Variants in FBXL17 observed in about 807,000 individuals in gnomAD.
FBXL17 encodes F-box and leucine rich repeat protein 17.
A neutral mutation model predicts 66.2 loss-of-function variants in FBXL17; 22 were observed. The ratio of observed to expected loss-of-function variants is 0.33; its 90% CI spans 0.24 to 0.47. The LOEUF (loss-of-function observed/expected upper bound fraction) is 0.47, where lower values mean the gene tolerates loss of function less well. Ranked by LOEUF, FBXL17 falls within the 20% of genes least tolerant of loss-of-function variation. The pLI, the probability that FBXL17 is intolerant of heterozygous loss-of-function variation, is 1.00. For synonymous variants in FBXL17, 474 were observed against 400.5 expected (o/e 1.18, Z -2.19); for missense variants, 878 against 948.2 (o/e 0.93, Z 0.97).
At chr5:108,256,973 T>C (rs1298162774) in intron 4 of FBXL17, among the ~76,000 whole-genome samples, 1 of 152,166 alleles carries the variant, frequency 6.6e-6, no homozygotes, top group East Asian at 1.9e-4. Context: ...GTGGTGTCAC[T>C]TTAGCATTTT....
At chr5:108,165,493 G>C (rs1752382707) in intron 6 of FBXL17, among the ~76,000 whole-genome samples, 1 of 152,130 alleles carries the variant, frequency 6.6e-6, no homozygotes, top group Non-Finnish European at 1.5e-5. Flanking sequence ...GTCAATTCTA[G>C]ACCATGAAAG....
At chr5:108,219,380 T>C (rs1172747579) in intron 5 of FBXL17, among the ~76,000 whole-genome samples, 1 of 152,100 alleles carries the variant, frequency 6.6e-6, no homozygotes, top group East Asian at 1.9e-4. Context: ...AATTGTTGAA[T>C]TGATAGGCCT....
intron 6 of FBXL17, among the ~76,000 whole-genome samples, chr5:108,124,628 A>C (rs1750626237): frequency 1.3e-5 from 2 of 152,080 alleles, no homozygotes; most frequent in Admixed American, 6.6e-5. Context: ...AGTGCTACCC[A>C]GATAGTAAGC....
At position 108,052,068 on chromosome 5, in the gene FBXL17, G is replaced by A. The variant is rs753955644; in HGVS notation, c.1746-31067C>T. Among the ~76,000 whole-genome samples the A allele has an allele frequency of 5.3e-4, 76 of 144,480 alleles. No homozygotes were observed. The East Asian group carries it at 9.9e-3, about 19-fold the overall frequency. 94.8% of individuals were successfully genotyped at this position (144,480 alleles called of 152,430 possible). A position where few individuals can be genotyped will look rare whatever the true frequency, so the allele number is the denominator to read the frequency against. On this transcript the variant is annotated intron_variant, in intron 6 of 8. Transcript: ENST00000542267. ...GCGGAGCTTGCACTGAGCCGAGATC[G>A]TGCCACTGCACTCCAGCCTAAGCAA...
At chr5:107,936,914 T>A (rs1750927833) in intron 7 of FBXL17, among the ~76,000 whole-genome samples, 4 of 152,166 alleles carry the variant, frequency 2.6e-5, no homozygotes, top group East Asian at 1.9e-4. Flanking sequence ...ACACTTTTTT[T>A]AAGTATATTA....
At chr5:108,123,087 C>T (rs1750566393) in intron 6 of FBXL17, among the ~76,000 whole-genome samples, 1 of 150,260 alleles carries the variant, frequency 6.7e-6, no homozygotes, top group Admixed American at 6.7e-5. Context: ...CATACTAGAT[C>T]TTTTAGGAAA....
In FBXL17 at chr5:107,969,482, C is replaced by A. The variant is rs189794530; in HGVS notation, c.1822+51443G>T. Among the ~76,000 whole-genome samples, 85 of 150,988 alleles carry A rather than the reference C, an allele frequency of 5.6e-4. 1 individual carries two copies. Among genetic ancestry groups the A allele is most frequent in the African/African-American group, 2.0e-3 (82 of 41,228 alleles). ...AATAAAGATATCTTTCTTCATATTTCAAAAAAAAACTATTTAGAAGTTGAA... is the reference window on the plus strand; with the variant it reads ...AATAAAGATATCTTTCTTCATATTTAAAAAAAAAACTATTTAGAAGTTGAA... On this transcript the variant is annotated intron_variant, in intron 7 of 8. Coordinates refer to ENST00000542267, the MANE Select transcript of FBXL17 (RefSeq NM_001163315.3).
chr5:108,110,570 T>A (rs1321955120), intron 6 of FBXL17, among the ~76,000 whole-genome samples: 1 of 152,176 alleles, frequency 6.6e-6, no homozygotes, highest in Non-Finnish European at 1.5e-5. Flanking sequence ...AGAACCCTAG[T>A]TTCCACAGAG....
intron 7 of FBXL17, among the ~76,000 whole-genome samples, chr5:107,882,587 G>T (rs1204951420): frequency 6.6e-6 from 1 of 152,044 alleles, no homozygotes; most frequent in East Asian, 1.9e-4. Flanking sequence ...GGGTTTGGGG[G>T]ATTTGCCAAC....
intron 6 of FBXL17, among the ~76,000 whole-genome samples, chr5:108,184,805 A>T (rs1262547828): frequency 6.6e-6 from 1 of 151,764 alleles, no homozygotes; most frequent in Non-Finnish European, 1.5e-5. Context: ...ATTATCTGAC[A>T]CAAATTATTT....
chr5:108,168,838 T>G (rs945939590), intron 6 of FBXL17, among the ~76,000 whole-genome samples: 1 of 152,126 alleles, frequency 6.6e-6, no homozygotes, highest in African/African-American at 2.4e-5. Flanking sequence ...GATTGAAATA[T>G]AGTGTACAAC....
intron 4 of FBXL17, among the ~76,000 whole-genome samples, chr5:108,271,560 T>C (rs1437322897): frequency 1.3e-5 from 2 of 152,198 alleles, no homozygotes; most frequent in African/African-American, 4.8e-5. Context: ...TGAAGAAAAC[T>C]ACCAATACAG....
chr5:108,040,393 C>A (rs1226563297), intron 6 of FBXL17, among the ~76,000 whole-genome samples: 1 of 151,934 alleles, frequency 6.6e-6, no homozygotes, highest in African/African-American at 2.4e-5. Context: ...TTCTAGACCA[C>A]CATATATGAC....
At chr5:108,364,013 T>C (rs1050225832) in intron 3 of FBXL17, among the ~76,000 whole-genome samples, 1 of 152,044 alleles carries the variant, frequency 6.6e-6, no homozygotes, top group Non-Finnish European at 1.5e-5. Flanking sequence ...CAATATGCCT[T>C]TGCAAACAAA....
At chr5:108,088,510 G>C (rs1749057348) in intron 6 of FBXL17, among the ~76,000 whole-genome samples, 1 of 151,748 alleles carries the variant, frequency 6.6e-6, no homozygotes, top group Non-Finnish European at 1.5e-5. Context: ...GACCATCCTG[G>C]CTAACACAGT....
intron 4 of FBXL17, among the ~76,000 whole-genome samples, chr5:108,321,264 T>C (rs537870549): frequency 6.6e-6 from 1 of 151,792 alleles, no homozygotes; most frequent in Admixed American, 6.6e-5. Flanking sequence ...CAATATTGAA[T>C]TGGAAGAAAC....
chr5:108,281,325 C>A (rs1371156433), intron 4 of FBXL17, among the ~76,000 whole-genome samples: 1 of 151,802 alleles, frequency 6.6e-6, no homozygotes, highest in Non-Finnish European at 1.5e-5. Context: ...TCTTCTCAGG[C>A]CACAGTAGAA....
chr5:108,380,825 G>C lies in FBXL17; in HGVS notation c.867C>G (p.Ala289=). ...VRAGGTAPLS[A]QQQHECGDAD... ...CGTCGCCACATTCATGCTGCTGCTG[G>C]GCGGACAAGGGGGCGGTGCCCCCGG... The change falls in exon 1 of 9, where the codon GCC becomes GCG. Residue 289 remains alanine, a synonymous_variant. Coordinates refer to ENST00000542267, the MANE Select transcript of FBXL17 (RefSeq NM_001163315.3). 8.0e-7 allele frequency: 1 copy of C among 1,247,960 alleles called. No individual in the cohort carries two copies. The highest frequency in any genetic ancestry group is 1.0e-6 in the Non-Finnish European group (1 of 988,222). The allele number at this position is 1,247,960 out of a possible 1,614,324, so 77.3% of individuals were successfully genotyped here. A position where few individuals can be genotyped will look rare whatever the true frequency, so the allele number is the denominator to read the frequency against.
At chr5:108,109,227 G>A (rs928137174) in intron 6 of FBXL17, among the ~76,000 whole-genome samples, 2 of 152,134 alleles carry the variant, frequency 1.3e-5, no homozygotes, top group Non-Finnish European at 2.9e-5. Flanking sequence ...TGGTACCTTG[G>A]CATTTGAGAA....
Sources: allele counts gnomAD v4.1 joint callset (sites outside exome capture counted in the v4.1 genomes callset), GRCh38; gene constraint gnomAD v4.1.1; transcripts MANE v1.5; gene names NCBI Gene and HGNC (gene_info 2026-07-23, HGNC 2026-07-21).